The following NEDD4 variants were observed in gnomAD, a reference collection of about 807,000 sequenced individuals.
NEDD4 encodes the protein E3 ubiquitin-protein ligase NEDD4.
Under a neutral mutation model 144.9 loss-of-function variants are expected in NEDD4, and 99 were observed. That is an observed-to-expected ratio of 0.68 (90% CI 0.58 to 0.81). The LOEUF (loss-of-function observed/expected upper bound fraction) is 0.81, where lower values mean the gene tolerates loss of function less well. Among genes scored for constraint, NEDD4 ranks in the 30% least tolerant of loss-of-function variants. NEDD4 has a pLI of 0.00. For missense variants in NEDD4, 985 were observed against 1,065.9 expected, an observed-to-expected ratio of 0.92 and a Z score of 1.06; for synonymous variants, 318 against 350.6, an observed-to-expected ratio of 0.91 and a Z score of 1.04.
intron 4 of NEDD4, among the ~76,000 whole-genome samples, chr15:55,940,543 TCTGC>T (rs1483875069): frequency 2.5e-4 from 32 of 126,468 alleles, no homozygotes; most frequent in South Asian, 4.7e-4. Flanking sequence ...TCTCTCTCTC[TCTGC>T]CTCTCTGCCT....
chr15:55,865,878 G>A (rs1334143920), intron 8 of NEDD4, among the ~76,000 whole-genome samples: 6 of 152,102 alleles, frequency 3.9e-5, no homozygotes, highest in African/African-American at 1.4e-4. Flanking sequence ...GAGTAGTGGA[G>A]TAGGAAGATG....
intron 1 of NEDD4, among the ~76,000 whole-genome samples, chr15:55,971,612 G>A (rs1483341011): frequency 2.9e-5 from 4 of 136,122 alleles, no homozygotes; most frequent in Non-Finnish European, 4.6e-5. Context: ...GCAACACGGT[G>A]AGACTCTGTC....
intron 5 of NEDD4, chr15:55,917,249 C>G (rs35617453): frequency 1.5e-5 from 11 of 732,956 alleles, no homozygotes; most frequent in Admixed American, 1.1e-4. Context: ...TTTTTTCACC[C>G]CAGCTCTACT....
chr15:55,845,846 C>T (rs928074695), intron 18 of NEDD4, among the ~76,000 whole-genome samples: 4 of 146,766 alleles, frequency 2.7e-5, no homozygotes, highest in South Asian at 2.1e-4. Context: ...AGTGCAGTGG[C>T]GCGATCTTGG....
intron 5 of NEDD4, chr15:55,915,893 A>G (rs751712978): frequency 1.9e-6 from 3 of 1,614,006 alleles, no homozygotes; most frequent in Non-Finnish European, 2.5e-6. Flanking sequence ...CTTTAGCACT[A>G]GTGCCATCCT....
chr15:55,906,062 C>T (rs2036081885), intron 5 of NEDD4, among the ~76,000 whole-genome samples: 1 of 152,060 alleles, frequency 6.6e-6, no homozygotes, highest in Admixed American at 6.5e-5. Flanking sequence ...CAGAGAAATG[C>T]AAATCAAAAC....
intron 5 of NEDD4, among the ~76,000 whole-genome samples, chr15:55,911,223 G>T (rs2036262674): frequency 6.6e-6 from 1 of 152,282 alleles, no homozygotes; most frequent in African/African-American, 2.4e-5. Context: ...GGAGAAAGGG[G>T]TGTTACTAGC....
chr15:55,976,523 TATC>T (rs2037701633), intron 1 of NEDD4, among the ~76,000 whole-genome samples: 1 of 151,996 alleles, frequency 6.6e-6, no homozygotes, highest in Admixed American at 6.5e-5. Flanking sequence ...TACAATGAGA[TATC>T]ATCTCACCCC....
intron 5 of NEDD4, among the ~76,000 whole-genome samples, chr15:55,886,298 G>GA (rs1363393772): frequency 3.3e-5 from 5 of 152,174 alleles, no homozygotes; most frequent in African/African-American, 1.2e-4. Context: ...TATCCGGACA[G>GA]AAAATCAACA....
intron 18 of NEDD4, among the ~76,000 whole-genome samples, chr15:55,842,816 C>G (rs750476489): frequency 6.6e-6 from 1 of 152,214 alleles, no homozygotes; most frequent in Non-Finnish European, 1.5e-5. Context: ...CCTGTCTGTT[C>G]AGGCTTTTCC....
chr15:55,852,302 A>T, intron 13 of NEDD4, 122 bp downstream of exon 13: 2 of 1,173,736 alleles, frequency 1.7e-6, no homozygotes, highest in Non-Finnish European at 2.3e-6. Context: ...TCTCAAAAAA[A>T]TAAAAAAAAA....
chr15:55,857,117 A>T lies in NEDD4; in HGVS notation c.961-921T>A, dbSNP rs143637092. ...AAGTGAAAAAAGCAAGTTACCAAAA[A>T]GTATGTTTAAGATGATCTCAGGTTA... On this transcript the variant is annotated intron_variant, in intron 11 of 28. Transcript: ENST00000435532. Among the ~76,000 whole-genome samples the T allele has an allele frequency of 3.3e-5, 5 of 152,346 alleles. No individual in the cohort carries two copies. The East Asian group carries it at 9.6e-4, about 29-fold the overall frequency.
chr15:55,903,824 CAA>C (rs1198758409), intron 5 of NEDD4, among the ~76,000 whole-genome samples: 1,203 of 73,452 alleles, frequency 0.016, 10 homozygotes, highest in Non-Finnish European at 0.025. Flanking sequence ...GACTCCATCT[CAA>C]AAAAAAAAAA....
chr15:55,971,163 A>C (rs760009305), intron 1 of NEDD4, among the ~76,000 whole-genome samples: 1 of 152,206 alleles, frequency 6.6e-6, no homozygotes, highest in Non-Finnish European at 1.5e-5. Flanking sequence ...AAATTAAAGA[A>C]TGCATCAGAA....
chr15:55,850,500 T>G, intron 14 of NEDD4, 42 bp downstream of exon 14: 1 of 1,572,892 alleles, frequency 6.4e-7, no homozygotes, highest in Non-Finnish European at 8.7e-7. Context: ...TAAGAGATGA[T>G]TATTGTTGTT....
At chr15:55,878,193 T>A (rs1202127098) in intron 5 of NEDD4, among the ~76,000 whole-genome samples, 1 of 152,178 alleles carries the variant, frequency 6.6e-6, no homozygotes, top group Non-Finnish European at 1.5e-5. Context: ...TAAGTATAAG[T>A]GGCTATAATA....
At chr15:55,980,494 T>A (rs1480710884) in intron 1 of NEDD4, among the ~76,000 whole-genome samples, 6 of 152,190 alleles carry the variant, frequency 3.9e-5, no homozygotes, top group Non-Finnish European at 8.8e-5. Context: ...GTTCAGATCA[T>A]TCTACTGTGA....
chr15:55,936,941 C>T (rs937888808), intron 4 of NEDD4, among the ~76,000 whole-genome samples: 2 of 152,008 alleles, frequency 1.3e-5, no homozygotes, highest in Admixed American at 6.6e-5. Flanking sequence ...TACAGGCATG[C>T]GCCATGATGC....
chr15:55,975,118 C>T (rs561051855), intron 1 of NEDD4, among the ~76,000 whole-genome samples: 2 of 152,052 alleles, frequency 1.3e-5, no homozygotes, highest in African/African-American at 4.8e-5. Flanking sequence ...GTCTCAAACT[C>T]CTGACCTCAG....
Sources: gnomAD v4.1 joint callset for allele counts (sites outside exome capture counted in the v4.1 genomes callset) on GRCh38, gnomAD v4.1.1 for gene constraint, MANE v1.5 for transcripts, NCBI Gene and HGNC (gene_info 2026-07-23, HGNC 2026-07-21) for gene names.